SLC22A3: variants seen among roughly 807,000 people sequenced by gnomAD.
The protein encoded by SLC22A3 is solute carrier family 22 member 3.
In SLC22A3, 51 loss-of-function variants were observed where a neutral mutation model predicts 59.1. The ratio of observed to expected loss-of-function variants is 0.86; its 90% CI spans 0.69 to 1.09. The LOEUF is 1.09. Ranked by LOEUF, SLC22A3 falls within the 50% of genes least tolerant of loss-of-function variation. The probability of loss-of-function intolerance (pLI) is 0.00; values close to 1 mark genes in which losing one functional copy is unlikely to be tolerated. For missense variants in SLC22A3, 711 were observed against 726.3 expected, an observed-to-expected ratio of 0.98 and a Z score of 0.24; for synonymous variants, 325 against 292.0, an observed-to-expected ratio of 1.11 and a Z score of -1.15.
Position 160,437,094 on chromosome 6 carries a change from C to T in SLC22A3, c.1171C>T (p.Leu391=). 6.2e-7 allele frequency: 1 copy of T among 1,614,186 alleles called. No homozygotes were observed. Among genetic ancestry groups the T allele is most frequent in the East Asian group, 2.2e-5 (1 of 44,882 alleles). Reference sequence around the variant, plus strand: ...CTTTTTCATCTCGGGCGTGGTGGAACTGCCAGGAGCTCTCTTGATCTTACT... The same window carrying T: ...CTTTTTCATCTCGGGCGTGGTGGAATTGCCAGGAGCTCTCTTGATCTTACT... ...IDFFISGVVE[L]PGALLILLTI... Residue 391 remains leucine (L), a synonymous_variant, in exon 7 of 11, where the codon CTG becomes TTG. Transcript: ENST00000275300.
intron 7 of SLC22A3, among the ~76,000 whole-genome samples, chr6:160,442,322 G>A (rs1246842882): frequency 6.6e-6 from 1 of 152,160 alleles, no homozygotes; most frequent in East Asian, 1.9e-4. Flanking sequence ...TGCTGGGAAC[G>A]GCTATTCCTT....
At chr6:160,362,187 A>C (rs1047326829) in intron 1 of SLC22A3, among the ~76,000 whole-genome samples, 2 of 152,232 alleles carry the variant, frequency 1.3e-5, no homozygotes, top group Admixed American at 6.5e-5. Flanking sequence ...GTCACATGGA[A>C]GATGCCTCTC....
intron 1 of SLC22A3, among the ~76,000 whole-genome samples, chr6:160,373,171 C>T (rs1190927810): frequency 3.3e-5 from 5 of 152,148 alleles, no homozygotes; most frequent in African/African-American, 1.2e-4. Flanking sequence ...ATACTGGTGA[C>T]CTTCAGATGG....
At chr6:160,419,373 A>C (rs545830974) in intron 5 of SLC22A3, among the ~76,000 whole-genome samples, 1 of 152,324 alleles carries the variant, frequency 6.6e-6, no homozygotes, top group East Asian at 1.9e-4. Context: ...GAACCACACT[A>C]TGATTCCAAC....
rs749901413 is a variant in SLC22A3, at chr6:160,442,806, G to C, written c.1334G>C (p.Gly445Ala). The change falls in exon 8 of 11, where the codon GGG becomes GCG. Residue 445 changes from glycine to alanine, a missense_variant. Transcript: ENST00000275300. ...RTTVATLGRLGITMAFEIVYL... is the reference protein window; with the variant it reads ...RTTVATLGRLAITMAFEIVYL... Reference sequence around the variant, plus strand: ...ACAGTGGCTACATTGGGAAGACTAGGGATAACCATGGCCTTTGAAATTGTT... The same window carrying C: ...ACAGTGGCTACATTGGGAAGACTAGCGATAACCATGGCCTTTGAAATTGTT... 1.2e-6 allele frequency: 2 copies of C among 1,614,022 alleles called. No individual in the cohort carries two copies. The highest frequency in any genetic ancestry group is 2.2e-5 in the South Asian group (2 of 91,086).
chr6:160,443,818 G>A, intron 9 of SLC22A3, 76 bp downstream of exon 9: 2 of 704,778 alleles, frequency 2.8e-6, no homozygotes, highest in South Asian at 2.8e-5. Flanking sequence ...ATAATTGTTA[G>A]GTTCAATAAT....
intron 2 of SLC22A3, among the ~76,000 whole-genome samples, chr6:160,406,453 G>A (rs1320397076): frequency 6.6e-6 from 1 of 152,162 alleles, no homozygotes; most frequent in Non-Finnish European, 1.5e-5. Context: ...TATGCCAATG[G>A]TGAAAATAAA....
intron 2 of SLC22A3, among the ~76,000 whole-genome samples, chr6:160,399,125 C>T (rs991531074): frequency 6.6e-6 from 1 of 152,030 alleles, no homozygotes; most frequent in East Asian, 1.9e-4. Flanking sequence ...CTTTTTCTTT[C>T]TCTTTCATGT....
At chr6:160,406,061 T>C in intron 2 of SLC22A3, among the ~76,000 whole-genome samples, 1 of 152,140 alleles carries the variant, frequency 6.6e-6, no homozygotes, top group Non-Finnish European at 1.5e-5. Context: ...TGAACCCAAA[T>C]GTAAACTGTG....
intron 2 of SLC22A3, among the ~76,000 whole-genome samples, chr6:160,405,786 G>A (rs1013060323): frequency 1.7e-4 from 26 of 152,042 alleles, no homozygotes; most frequent in Admixed American, 5.2e-4. Context: ...TAGAGGAAAC[G>A]TAAGTACTTA....
chr6:160,430,169 C>T (rs1788099922), intron 5 of SLC22A3, among the ~76,000 whole-genome samples: 1 of 151,268 alleles, frequency 6.6e-6, no homozygotes, highest in Non-Finnish European at 1.5e-5. Flanking sequence ...AATGAATTTT[C>T]AAAACACTAA....
At chr6:160,412,636 G>A (rs1385166040) in intron 5 of SLC22A3, among the ~76,000 whole-genome samples, 1 of 152,144 alleles carries the variant, frequency 6.6e-6, no homozygotes, top group Non-Finnish European at 1.5e-5. Context: ...GTCACTCTTT[G>A]AGTGAACACA....
chr6:160,367,984 T>TG (rs1173475060), intron 1 of SLC22A3, among the ~76,000 whole-genome samples: 2 of 152,132 alleles, frequency 1.3e-5, no homozygotes, highest in Non-Finnish European at 2.9e-5. Flanking sequence ...CTGGCCTGCC[T>TG]GGGCTGAGAG....
intron 1 of SLC22A3, 102 bp from the exon 2 acceptor site, chr6:160,397,877 T>A: frequency 1.1e-6 from 1 of 898,118 alleles, no homozygotes; most frequent in Non-Finnish European, 1.9e-6. Flanking sequence ...AAAGAGTATA[T>A]GAGCAAAAAT....
intron 1 of SLC22A3, among the ~76,000 whole-genome samples, chr6:160,363,078 G>T (rs1209889975): frequency 1.3e-5 from 2 of 152,224 alleles, no homozygotes; most frequent in African/African-American, 4.8e-5. Flanking sequence ...GCGGGGCATC[G>T]CGCCCCAATG....
intron 5 of SLC22A3, among the ~76,000 whole-genome samples, chr6:160,431,567 A>AT (rs368098183): frequency 9.7e-4 from 145 of 149,154 alleles, no homozygotes; most frequent in East Asian, 7.1e-3. Flanking sequence ...AACACCTCGT[A>AT]TTTTTTTTTT....
At chr6:160,433,998 G>C (rs1788250636) in intron 5 of SLC22A3, among the ~76,000 whole-genome samples, 2 of 152,160 alleles carry the variant, frequency 1.3e-5, no homozygotes, top group South Asian at 4.1e-4. Context: ...CAGTGGTATT[G>C]ATATGTAGAC....
At position 160,348,593 on chromosome 6, in the gene SLC22A3, G is replaced by A. The variant is rs748655802; in HGVS notation, c.174G>A (p.Ala58=). The change falls in exon 1 of 11, where the codon GCG becomes GCA. Residue 58 remains alanine (A), a synonymous_variant. Transcript: ENST00000275300. ...HYWCRGPSAA[A]LAERCGWSPE... is the part of the protein sequence containing the mutation. Reference sequence around the variant, plus strand: ...GGTGCCGCGGGCCAAGTGCCGCGGCGCTGGCCGAGCGCTGCGGCTGGAGCC... The same window carrying A: ...GGTGCCGCGGGCCAAGTGCCGCGGCACTGGCCGAGCGCTGCGGCTGGAGCC... The A allele has an allele frequency of 6.6e-7, 1 of 1,517,422 alleles. No homozygotes were observed. Among genetic ancestry groups the A allele is most frequent in the South Asian group, 1.2e-5 (1 of 82,366 alleles). The allele number at this position is 1,517,422 out of a possible 1,614,324, so 94.0% of individuals were successfully genotyped here. A position where few individuals can be genotyped will look rare whatever the true frequency, so the allele number is the denominator to read the frequency against.
intron 5 of SLC22A3, among the ~76,000 whole-genome samples, 155 bp downstream of exon 5, chr6:160,411,001 C>A (rs746637038): frequency 2.6e-5 from 4 of 151,792 alleles, no homozygotes; most frequent in Non-Finnish European, 5.9e-5. Flanking sequence ...CACACACACA[C>A]ACACTACCAA....
Sources: gnomAD v4.1 joint callset for allele counts (sites outside exome capture counted in the v4.1 genomes callset) on GRCh38, gnomAD v4.1.1 for gene constraint, MANE v1.5 for transcripts, NCBI Gene and HGNC (gene_info 2026-07-23, HGNC 2026-07-21) for gene names.